The following KCTD8 variants were observed in gnomAD, a reference collection of about 807,000 sequenced individuals.
KCTD8 encodes the protein potassium channel tetramerization domain containing 8.
A neutral mutation model predicts 31.5 loss-of-function variants in KCTD8; 27 were observed. The ratio of observed to expected loss-of-function variants is 0.86; its 90% CI spans 0.63 to 1.18. The LOEUF (loss-of-function observed/expected upper bound fraction) is 1.18, where lower values mean the gene tolerates loss of function less well. Among genes scored for constraint, KCTD8 ranks in the 50% most tolerant of loss-of-function variants. The pLI, the probability that KCTD8 is intolerant of heterozygous loss-of-function variation, is 0.00. For missense variants in KCTD8, 658 were observed against 647.7 expected, an observed-to-expected ratio of 1.02 and a Z score of -0.17; for synonymous variants, 290 against 280.0, an observed-to-expected ratio of 1.04 and a Z score of -0.36.
intron 1 of KCTD8, among the ~76,000 whole-genome samples, chr4:44,336,292 TTAA>T (rs1284147594): frequency 2.6e-5 from 4 of 151,628 alleles, no homozygotes; most frequent in African/African-American, 7.3e-5. Context: ...ATAAAATTGA[TTAA>T]TGTTAGAATC....
chr4:44,327,082 T>C (rs1402467909), intron 1 of KCTD8, among the ~76,000 whole-genome samples: 1 of 151,892 alleles, frequency 6.6e-6, no homozygotes, highest in Non-Finnish European at 1.5e-5. Flanking sequence ...AAAGATACAG[T>C]TTTTAATTTG....
At chr4:44,194,409 T>C (rs1471242332) in intron 1 of KCTD8, among the ~76,000 whole-genome samples, 2 of 152,212 alleles carry the variant, frequency 1.3e-5, no homozygotes, top group Non-Finnish European at 2.9e-5. Context: ...GATGTACTGG[T>C]AACACCTTCT....
At chr4:44,425,703 T>G (rs1215308886) in intron 1 of KCTD8, among the ~76,000 whole-genome samples, 1 of 151,956 alleles carries the variant, frequency 6.6e-6, no homozygotes, top group Non-Finnish European at 1.5e-5. Flanking sequence ...GAGGCAGTAT[T>G]TACCCTTAGG....
intron 1 of KCTD8, among the ~76,000 whole-genome samples, chr4:44,434,555 A>G (rs1463109650): frequency 6.6e-6 from 1 of 151,912 alleles, no homozygotes; most frequent in Non-Finnish European, 1.5e-5. Flanking sequence ...CACCCATCAC[A>G]CAGCTTCCCT....
intron 1 of KCTD8, among the ~76,000 whole-genome samples, chr4:44,258,208 G>A (rs926906870): frequency 1.3e-5 from 2 of 151,810 alleles, no homozygotes; most frequent in African/African-American, 4.8e-5. Flanking sequence ...TAAGTTTAAG[G>A]CAATATCTAA....
chr4:44,268,861 C>T (rs1310675580), intron 1 of KCTD8, among the ~76,000 whole-genome samples: 1 of 151,964 alleles, frequency 6.6e-6, no homozygotes, highest in Non-Finnish European at 1.5e-5. Context: ...TCAAGGAGAA[C>T]TACAAACCAC....
chr4:44,392,430 G>C (rs1185336915), intron 1 of KCTD8, among the ~76,000 whole-genome samples: 1 of 151,938 alleles, frequency 6.6e-6, no homozygotes, highest in East Asian at 1.9e-4. Flanking sequence ...TGTGGGTTAA[G>C]ATTTAAACTG....
chr4:44,371,482 A>G (rs1025852589), intron 1 of KCTD8, among the ~76,000 whole-genome samples: 4 of 152,194 alleles, frequency 2.6e-5, no homozygotes, highest in African/African-American at 9.6e-5. Flanking sequence ...AGTAATGTCC[A>G]ATAAGTGGTA....
chr4:44,268,519 A>C (rs1179760689), intron 1 of KCTD8, among the ~76,000 whole-genome samples: 1 of 152,182 alleles, frequency 6.6e-6, no homozygotes. Context: ...CTCCTATTCA[A>C]CACAGTATTG....
rs757459146 is a variant in KCTD8, at chr4:44,174,967, G to C, written c.1245C>G (p.Thr415=). The change falls in exon 2 of 2, where the codon ACC becomes ACG. Residue 415 remains threonine (T), a synonymous_variant. Transcript: ENST00000360029. Reference sequence around the variant, plus strand: ...TTGTTTCCCGGGACTTGCTGATGAGGGTCTGAAAGAGTTCACTGTTTCTGC... The same window carrying C: ...TTGTTTCCCGGGACTTGCTGATGAGCGTCTGAAAGAGTTCACTGTTTCTGC... ...DKRRNSELFQ[T]LISKSRETNL... The C allele has an allele frequency of 6.2e-7, 1 of 1,613,942 alleles. No homozygotes were observed. Among genetic ancestry groups the C allele is most frequent in the African/African-American group, 1.3e-5 (1 of 74,868 alleles).
chr4:44,336,574 T>C (rs1051158643), intron 1 of KCTD8, among the ~76,000 whole-genome samples: 1 of 152,028 alleles, frequency 6.6e-6, no homozygotes, highest in Non-Finnish European at 1.5e-5. Flanking sequence ...ATTAAACAGA[T>C]ATAAGCGTTA....
intron 1 of KCTD8, among the ~76,000 whole-genome samples, chr4:44,440,827 A>C (rs60786221): frequency 0.31 from 47,574 of 151,938 alleles, 8,681 homozygotes; most frequent in African/African-American, 0.52. Context: ...CCTAGTGCAC[A>C]CAGAAAAGAC....
chr4:44,269,199 T>A (rs1174350828), intron 1 of KCTD8, among the ~76,000 whole-genome samples: 1 of 151,896 alleles, frequency 6.6e-6, no homozygotes, highest in Non-Finnish European at 1.5e-5. Flanking sequence ...AGAGATATGA[T>A]CAATGGAACA....
chr4:44,416,421 T>G (rs2109467529), intron 1 of KCTD8, among the ~76,000 whole-genome samples: 1 of 152,296 alleles, frequency 6.6e-6, no homozygotes. Context: ...GTATGAGTTT[T>G]GGGAGATCAG....
At chr4:44,299,151 TAAGA>T (rs1299007412) in intron 1 of KCTD8, among the ~76,000 whole-genome samples, 1 of 152,150 alleles carries the variant, frequency 6.6e-6, no homozygotes, top group Non-Finnish European at 1.5e-5. Flanking sequence ...AACATAAAAG[TAAGA>T]AAGATAGTAT....
chr4:44,417,024 T>C (rs1721091461), intron 1 of KCTD8, among the ~76,000 whole-genome samples: 1 of 152,188 alleles, frequency 6.6e-6, no homozygotes, highest in Non-Finnish European at 1.5e-5. Context: ...TTCTGCATCA[T>C]CACACAGGTA....
chr4:44,291,484 A>G (rs1277262025), intron 1 of KCTD8, among the ~76,000 whole-genome samples: 2 of 152,168 alleles, frequency 1.3e-5, no homozygotes, highest in African/African-American at 4.8e-5. Flanking sequence ...ACAAAAATTA[A>G]CTCAAGATGA....
intron 1 of KCTD8, among the ~76,000 whole-genome samples, chr4:44,342,096 G>A (rs978821112): frequency 2.0e-5 from 3 of 152,170 alleles, no homozygotes; most frequent in Non-Finnish European, 4.4e-5. Context: ...AATAGGCTGG[G>A]CGTGTTGGCT....
At chr4:44,444,878 TA>T (rs1721902718) in intron 1 of KCTD8, among the ~76,000 whole-genome samples, 1 of 152,056 alleles carries the variant, frequency 6.6e-6, no homozygotes, top group Non-Finnish European at 1.5e-5. Context: ...ACCTGGATTT[TA>T]AAAGGTGTTA....
Sources: gnomAD v4.1 joint callset for allele counts (sites outside exome capture counted in the v4.1 genomes callset) on GRCh38, gnomAD v4.1.1 for gene constraint, MANE v1.5 for transcripts, NCBI Gene and HGNC (gene_info 2026-07-23, HGNC 2026-07-21) for gene names.